DAB1: variants seen among roughly 807,000 people sequenced by gnomAD.
The protein encoded by DAB1 is disabled homolog 1.
DAB1 carries 15 observed loss-of-function variants against 64.6 expected under a neutral mutation model. The ratio of observed to expected loss-of-function variants is 0.23; its 90% confidence interval spans 0.16 to 0.36. The LOEUF is 0.36. DAB1 is among the 10% of genes least tolerant of loss of function. The probability of loss-of-function intolerance (pLI) is 1.00; values close to 1 mark genes in which losing one functional copy is unlikely to be tolerated. For missense variants in DAB1, 596 were observed against 706.7 expected (o/e 0.84, Z 1.78); for synonymous variants, 235 against 251.9 (o/e 0.93, Z 0.64).
chr1:58,118,931 C>T (rs1652561215), intron 5 of DAB1, among the ~76,000 whole-genome samples: 2 of 151,774 alleles, frequency 1.3e-5, no homozygotes, highest in Admixed American at 6.6e-5. Context: ...AATGTTCCAT[C>T]CAGTAAGCTA....
chr1:57,367,252 G>A (rs2100922059), intron 1 of DAB1, among the ~76,000 whole-genome samples: 1 of 152,018 alleles, frequency 6.6e-6, no homozygotes, highest in East Asian at 1.9e-4. Flanking sequence ...TTCAGCCTGG[G>A]TAAAAGAGCA....
At chr1:57,815,841 G>C (rs1651832996) in intron 6 of DAB1, among the ~76,000 whole-genome samples, 2 of 152,118 alleles carry the variant, frequency 1.3e-5, no homozygotes, top group African/African-American at 4.8e-5. Flanking sequence ...TTTTTGCACT[G>C]AATTAAAATG....
Position 57,945,335 on chromosome 1 carries a change from C to T in DAB1, n.388-61173G>A, listed in dbSNP as rs1452041816. ...AGTGTAGTGGTTTGTTCATAGCTCACTGCAGCCTCGAATTCCTGGGCTCAA... is the reference window on the plus strand; with the variant it reads ...AGTGTAGTGGTTTGTTCATAGCTCATTGCAGCCTCGAATTCCTGGGCTCAA... On this transcript the variant is annotated intron_variant and non_coding_transcript_variant, in intron 5 of 20. Coordinates refer to the DAB1 transcript ENST00000485760. Among the ~76,000 whole-genome samples the T allele has an allele frequency of 2.6e-5, 4 of 152,144 alleles. 1 individual carries two copies. The highest frequency in any genetic ancestry group is 4.2e-4 in the South Asian group (2 of 4,814).
intron 9 of DAB1, 88 bp from the exon 10 acceptor site, chr1:57,026,131 A>G (rs1161601070): frequency 5.2e-6 from 5 of 963,024 alleles, no homozygotes; most frequent in Admixed American, 2.4e-5. Context: ...ATGGGGATAC[A>G]CATTTCTGTT....
intron 7 of DAB1, among the ~76,000 whole-genome samples, chr1:57,507,292 A>T (rs1376550187): frequency 6.6e-6 from 1 of 152,152 alleles, no homozygotes; most frequent in Non-Finnish European, 1.5e-5. Flanking sequence ...TCTGCTCAAG[A>T]GGTTTCTCTT....
rs563206702 is a variant in DAB1, at chr1:58,213,212, T to A, written n.310-62624A>T. ...GGCTTCAGGCAACTGATTCTTTTGT[T>A]GGCCTCAGTTTCCACATCTCTAAGA... On this transcript the variant is annotated intron_variant and non_coding_transcript_variant, in intron 4 of 20. Coordinates refer to the DAB1 transcript ENST00000485760. Among the ~76,000 whole-genome samples the A allele has an allele frequency of 2.0e-5, 3 of 152,330 alleles. No homozygotes were observed. The East Asian group carries it at 5.8e-4, about 29-fold the overall frequency.
chr1:57,232,263 A>G (rs569222516), intron 2 of DAB1, among the ~76,000 whole-genome samples: 131 of 123,392 alleles, frequency 1.1e-3, no homozygotes, highest in African/African-American at 4.0e-3. Context: ...CCACCATACC[A>G]CTTCTCAAAG....
chr1:57,082,145 G>A (rs927620878), intron 4 of DAB1, among the ~76,000 whole-genome samples: 66 of 151,998 alleles, frequency 4.3e-4, no homozygotes, highest in Non-Finnish European at 7.2e-4. Context: ...AGGCAAATAC[G>A]GCAAAAGGTT....
intron 3 of DAB1, among the ~76,000 whole-genome samples, chr1:58,475,487 C>T (rs1239454948): frequency 6.6e-6 from 1 of 151,690 alleles, no homozygotes; most frequent in Admixed American, 6.6e-5. Context: ...AACACACACA[C>T]ACACACACAC....
chr1:57,666,483 G>C (rs950542608), intron 6 of DAB1, among the ~76,000 whole-genome samples: 9 of 152,128 alleles, frequency 5.9e-5, no homozygotes, highest in Admixed American at 4.6e-4. Context: ...AGGTGAGAGA[G>C]ATATGCAGGT....
chr1:58,486,440 C>T (rs568601956), intron 3 of DAB1, among the ~76,000 whole-genome samples: 1 of 152,264 alleles, frequency 6.6e-6, no homozygotes, highest in Admixed American at 6.5e-5. Context: ...TGCTAAATTT[C>T]TATAAGGGAG....
At chr1:58,490,925 C>T (rs1304435835) in intron 3 of DAB1, among the ~76,000 whole-genome samples, 2 of 148,366 alleles carry the variant, frequency 1.3e-5, no homozygotes, top group Non-Finnish European at 3.0e-5. Flanking sequence ...CCTGCCTCAG[C>T]CTTCCGAGTA....
intron 7 of DAB1, among the ~76,000 whole-genome samples, chr1:57,595,479 T>C (rs1057358941): frequency 4.6e-5 from 7 of 152,102 alleles, no homozygotes; most frequent in African/African-American, 1.4e-4. Context: ...CAAAGAATCA[T>C]GTATACTCTC....
In DAB1 at chr1:57,014,995, G is replaced by A. The variant is rs750823828; in HGVS notation, c.1332C>T (p.Ser444=). ...PSLTCTSEAF[S]SYFNKVGVAQ... ...CCACCCCGACTTTGTTGAAGTAACT[G>A]GAGAAGGCCTCTGAGGTACAGGTGA... Residue 444 remains serine (S), a synonymous_variant, in exon 12 of 15, where the codon TCC becomes TCT. Transcript: ENST00000371236. 7.4e-6 allele frequency: 12 copies of A among 1,614,192 alleles called. No homozygotes were observed. Among genetic ancestry groups the A allele is most frequent in the Non-Finnish European group, 1.0e-5 (12 of 1,180,042 alleles).
At chr1:57,155,396 T>C (rs1447386244) in intron 2 of DAB1, among the ~76,000 whole-genome samples, 1 of 152,200 alleles carries the variant, frequency 6.6e-6, no homozygotes, top group Non-Finnish European at 1.5e-5. Context: ...TGTCTATTTT[T>C]AGGCCAGTGC....
intron 7 of DAB1, among the ~76,000 whole-genome samples, chr1:57,578,467 C>G (rs990325611): frequency 1.3e-5 from 2 of 152,206 alleles, no homozygotes; most frequent in African/African-American, 2.4e-5. Flanking sequence ...GCACAGGGCA[C>G]TGATCCAGGC....
At chr1:58,264,038 C>A (rs764018900) in intron 4 of DAB1, among the ~76,000 whole-genome samples, 2 of 152,166 alleles carry the variant, frequency 1.3e-5, no homozygotes, top group African/African-American at 4.8e-5. Flanking sequence ...TATAGTTCAA[C>A]GATGAGAAAC....
At chr1:57,684,032 A>C (rs955702448) in intron 6 of DAB1, among the ~76,000 whole-genome samples, 23 of 152,318 alleles carry the variant, frequency 1.5e-4, no homozygotes, top group Admixed American at 6.5e-4. Context: ...GAGCTTAAAG[A>C]CTGGTTATTT....
At chr1:58,092,047 A>C (rs1316969560) in intron 5 of DAB1, among the ~76,000 whole-genome samples, 1 of 151,980 alleles carries the variant, frequency 6.6e-6, no homozygotes, top group Non-Finnish European at 1.5e-5. Flanking sequence ...TTAAAAATTC[A>C]ATGCCATCAC....
Sources: gnomAD v4.1 joint callset for allele counts (sites outside exome capture counted in the v4.1 genomes callset) on GRCh38, gnomAD v4.1.1 for gene constraint, MANE v1.5 for transcripts, NCBI Gene and HGNC (gene_info 2026-07-23, HGNC 2026-07-21) for gene names.